ANKRD22: variants seen among roughly 807,000 people sequenced by gnomAD.
The protein encoded by ANKRD22 is ankyrin repeat domain-containing protein 22.
ANKRD22 carries 24 observed loss-of-function variants against 25.7 expected under a neutral mutation model. That is an observed-to-expected ratio of 0.93 (90% confidence interval 0.68 to 1.31). The LOEUF (loss-of-function observed/expected upper bound fraction) is 1.31. Ranked by LOEUF, ANKRD22 falls within the 50% of genes most tolerant of loss-of-function variation. ANKRD22 has a pLI of 0.00. For synonymous variants in ANKRD22, 84 were observed against 84.3 expected (o/e 1.00, Z 0.02); for missense variants, 214 against 227.1 (o/e 0.94, Z 0.37).
At chr10:88,825,019 A>T (rs1418871926) in intron 4 of ANKRD22, among the ~76,000 whole-genome samples, 3 of 150,222 alleles carry the variant, frequency 2.0e-5, no homozygotes, top group Admixed American at 6.6e-5. Flanking sequence ...TCTCACACAC[A>T]CACACACACA....
chr10:88,850,499 G>A (rs540817761), intron 1 of ANKRD22, among the ~76,000 whole-genome samples: 3 of 152,212 alleles, frequency 2.0e-5, no homozygotes, highest in Admixed American at 6.5e-5. Flanking sequence ...AACCACCTGG[G>A]ATGCTCCTTT....
intron 4 of ANKRD22, among the ~76,000 whole-genome samples, chr10:88,824,394 C>T (rs1213697865): frequency 6.6e-6 from 1 of 152,146 alleles, no homozygotes; most frequent in Non-Finnish European, 1.5e-5. Context: ...CTAGAAACAC[C>T]TCTAAAATTA....
At chr10:88,845,218 GTA>G (rs1564607648) in intron 1 of ANKRD22, among the ~76,000 whole-genome samples, 2 of 152,064 alleles carry the variant, frequency 1.3e-5, no homozygotes, top group African/African-American at 4.8e-5. Context: ...GACTAAATGC[GTA>G]TGTTTCTTGA....
intron 2 of ANKRD22, among the ~76,000 whole-genome samples, chr10:88,831,210 C>A (rs142573595): frequency 6.6e-6 from 1 of 152,206 alleles, no homozygotes; most frequent in African/African-American, 2.4e-5. Flanking sequence ...TCAGAAAGGG[C>A]TCCACAAGGA....
intron 1 of ANKRD22, among the ~76,000 whole-genome samples, chr10:88,844,909 C>T (rs536702653): frequency 1.3e-5 from 2 of 152,248 alleles, no homozygotes; most frequent in South Asian, 4.1e-4. Flanking sequence ...CCCACTTTCT[C>T]CTTGATAATA....
At chr10:88,841,617 A>C (rs1165234459) in intron 1 of ANKRD22, among the ~76,000 whole-genome samples, 1 of 152,148 alleles carries the variant, frequency 6.6e-6, no homozygotes, top group Admixed American at 6.6e-5. Context: ...ACCAGGCTTG[A>C]AGAATCTCTG....
At chr10:88,831,789 G>A (rs1249220352) in intron 2 of ANKRD22, 46 bp downstream of exon 2, 9 of 1,500,810 alleles carry the variant, frequency 6.0e-6, no homozygotes, top group Non-Finnish European at 8.0e-6. Flanking sequence ...AAAGAGAAAA[G>A]AATTATCATG....
intron 1 of ANKRD22, among the ~76,000 whole-genome samples, chr10:88,833,000 A>G (rs1042019987): frequency 6.6e-6 from 1 of 152,198 alleles, no homozygotes; most frequent in Non-Finnish European, 1.5e-5. Context: ...ATTTTATCCA[A>G]GAAGTCTTTT....
At chr10:88,829,831 C>G (rs778262737) in intron 2 of ANKRD22, among the ~76,000 whole-genome samples, 2 of 152,204 alleles carry the variant, frequency 1.3e-5, no homozygotes, top group Admixed American at 6.5e-5. Context: ...GGCGGGAGTG[C>G]AGTGGCACAA....
At chr10:88,849,023 T>TGG (rs1256032300) in intron 1 of ANKRD22, among the ~76,000 whole-genome samples, 1 of 151,882 alleles carries the variant, frequency 6.6e-6, no homozygotes, top group Admixed American at 6.6e-5. Context: ...TGTGTGTGTG[T>TGG]GTGTGGGTGT....
intron 1 of ANKRD22, among the ~76,000 whole-genome samples, chr10:88,837,195 A>G (rs983200958): frequency 6.6e-6 from 1 of 152,196 alleles, no homozygotes; most frequent in African/African-American, 2.4e-5. Context: ...CAGCTATGTT[A>G]TTTGGACAAG....
chr10:88,834,111 T>C (rs542228616), intron 1 of ANKRD22, among the ~76,000 whole-genome samples: 2 of 152,336 alleles, frequency 1.3e-5, no homozygotes, highest in East Asian at 1.9e-4. Flanking sequence ...GTCAACACAA[T>C]AGTGCTTAAA....
chr10:88,846,771 A>ATCATC (rs1844052925), intron 1 of ANKRD22, among the ~76,000 whole-genome samples: 1 of 152,100 alleles, frequency 6.6e-6, no homozygotes. Context: ...ATTGCCCACA[A>ATCATC]GGCCTGTCTC....
intron 1 of ANKRD22, 33 bp downstream of exon 1, chr10:88,851,554 C>T (rs767064451): frequency 1.2e-6 from 2 of 1,611,982 alleles, no homozygotes; most frequent in South Asian, 2.2e-5. Context: ...CTTTTAACAT[C>T]TTTGGAACTC....
chr10:88,823,402 TC>T (rs1843820855), intron 4 of ANKRD22, 24 bp from the exon 5 acceptor site: 1 of 1,583,436 alleles, frequency 6.3e-7, no homozygotes. Flanking sequence ...GGCCAAAACT[TC>T]AGCTCATAAG....
At chr10:88,832,112 T>C in intron 1 of ANKRD22, 86 bp from the exon 2 acceptor site, 3 of 1,339,948 alleles carry the variant, frequency 2.2e-6, no homozygotes, top group Non-Finnish European at 3.0e-6. Context: ...CCCAATACAT[T>C]AAAATTTAAA....
intron 1 of ANKRD22, among the ~76,000 whole-genome samples, chr10:88,841,463 C>T (rs1158941127): frequency 6.6e-6 from 1 of 152,156 alleles, no homozygotes; most frequent in Non-Finnish European, 1.5e-5. Flanking sequence ...TTTCAACCTA[C>T]AAAAGAGAGA....
In ANKRD22 at chr10:88,820,404, G is replaced by A. The variant is rs776779904; in HGVS notation, c.*2537C>T. ...TGGGCTCACGTGGATTTCATCTGGG[G>A]TTTGGATGCTCCTCACCGTATGTAC... On this transcript the variant is annotated 3_prime_UTR_variant, in exon 6 of 6. Transcript: ENST00000371930. 2 of 1,552,216 alleles carry A rather than the reference G, an allele frequency of 1.3e-6. No homozygotes were observed. Among genetic ancestry groups the A allele is most frequent in the Non-Finnish European group, 1.7e-6 (2 of 1,147,086 alleles).
intron 3 of ANKRD22, among the ~76,000 whole-genome samples, chr10:88,828,323 T>C (rs1843873613): frequency 6.6e-6 from 1 of 152,222 alleles, no homozygotes; most frequent in African/African-American, 2.4e-5. Flanking sequence ...AAATTATTTT[T>C]CTAAATCAAC....
Sources: gnomAD v4.1 joint callset for allele counts (sites outside exome capture counted in the v4.1 genomes callset) on GRCh38, gnomAD v4.1.1 for gene constraint, MANE v1.5 for transcripts, NCBI Gene and HGNC (gene_info 2026-07-23, HGNC 2026-07-21) for gene names.